The following RERE variants were observed in gnomAD, a reference collection of about 807,000 sequenced individuals.
RERE encodes arginine-glutamic acid dipeptide repeats protein.
Under a neutral mutation model 146.1 loss-of-function variants are expected in RERE, and 40 were observed. The ratio of observed to expected loss-of-function variants is 0.27; its 90% CI spans 0.21 to 0.36. The LOEUF (loss-of-function observed/expected upper bound fraction) is 0.36. RERE is among the 10% of genes least tolerant of loss of function. RERE has a pLI of 1.00. For synonymous variants in RERE, 1,003 were observed against 866.0 expected, an observed-to-expected ratio of 1.16 and a Z score of -2.78; for missense variants, 1,933 against 2,138.7, an observed-to-expected ratio of 0.90 and a Z score of 1.90.
intron 2 of RERE, among the ~76,000 whole-genome samples, chr1:8,648,800 C>T (rs1177301229): frequency 2.0e-5 from 3 of 151,832 alleles, no homozygotes. Context: ...ACATGTTTTG[C>T]ACTATGTTCA....
intron 12 of RERE, among the ~76,000 whole-genome samples, chr1:8,411,317 C>CTTTTT (rs35754702): frequency 1.4e-5 from 2 of 139,954 alleles, no homozygotes; most frequent in African/African-American, 5.3e-5. Flanking sequence ...GGCTTCAAGT[C>CTTTTT]TTTTTTTTTT....
At chr1:8,448,440 G>C (rs993213518) in intron 11 of RERE, among the ~76,000 whole-genome samples, 4 of 152,004 alleles carry the variant, frequency 2.6e-5, no homozygotes, top group African/African-American at 9.7e-5. Flanking sequence ...GAAAAAAGTA[G>C]AAGTGAGGGA....
At chr1:8,769,800 A>G (rs1456265795) in intron 1 of RERE, among the ~76,000 whole-genome samples, 4 of 150,428 alleles carry the variant, frequency 2.7e-5, no homozygotes, top group Non-Finnish European at 4.4e-5. Flanking sequence ...TTTATTTTTT[A>G]TTTTTTGAGA....
At chr1:8,378,655 C>T (rs1025087691) in intron 12 of RERE, among the ~76,000 whole-genome samples, 1 of 152,210 alleles carries the variant, frequency 6.6e-6, no homozygotes, top group South Asian at 2.1e-4. Context: ...AGAACCAACC[C>T]TACTGAACTC....
At chr1:8,385,026 C>T (rs116257822) in intron 12 of RERE, among the ~76,000 whole-genome samples, 1 of 152,324 alleles carries the variant, frequency 6.6e-6, no homozygotes, top group African/African-American at 2.4e-5. Flanking sequence ...CTCTGCAGGG[C>T]GATTTCTGCC....
At chr1:8,618,561 G>A (rs532190417) in intron 3 of RERE, among the ~76,000 whole-genome samples, 2 of 152,194 alleles carry the variant, frequency 1.3e-5, no homozygotes, top group Admixed American at 1.3e-4. Context: ...CCTTTTAAAC[G>A]AATGCCCATT....
intron 12 of RERE, among the ~76,000 whole-genome samples, chr1:8,402,961 C>T (rs1018644923): frequency 4.6e-5 from 7 of 152,012 alleles, no homozygotes; most frequent in African/African-American, 1.2e-4. Flanking sequence ...TGCAGTGGCG[C>T]GATCTCAGCT....
chr1:8,564,822 G>GTA (rs1205137532), intron 4 of RERE, among the ~76,000 whole-genome samples: 4,165 of 93,546 alleles, frequency 0.045, 113 homozygotes, highest in Non-Finnish European at 0.06. Flanking sequence ...GTATGTGTGT[G>GTA]TATATGTGTA....
rs1253083413 is a variant in RERE, at chr1:8,422,787, G to C, written c.1224C>G (p.Leu408=). 1 of 1,613,668 alleles carries C rather than the reference G, an allele frequency of 6.2e-7. No individual in the cohort carries two copies. Among genetic ancestry groups the C allele is most frequent in the Non-Finnish European group, 8.5e-7 (1 of 1,179,728 alleles). The part of the protein sequence containing the change: ...EDEVKRFVKG[L]RQYGKNFFRI... ...TGAAGAAGTTCTTCCCGTACTGCCT[G>C]AGTCCCTTAACGAAGCGTTTCTGTG... Residue 408 remains leucine (L), a synonymous_variant, in exon 12 of 23, where the codon CTC becomes CTG. Coordinates refer to ENST00000400908, the MANE Select transcript of RERE (RefSeq NM_001042681.2).
intron 12 of RERE, among the ~76,000 whole-genome samples, chr1:8,414,710 A>C (rs565624846): frequency 6.6e-6 from 1 of 152,314 alleles, no homozygotes; most frequent in East Asian, 1.9e-4. Flanking sequence ...TGGGCCATTA[A>C]TACTGAAACT....
intron 3 of RERE, among the ~76,000 whole-genome samples, chr1:8,622,497 A>AC (rs1371266865): frequency 4.9e-4 from 65 of 133,070 alleles, no homozygotes; most frequent in South Asian, 3.1e-3. Flanking sequence ...AAAAAAAAAA[A>AC]AAAAAAAAAA....
At chr1:8,400,017 T>C (rs972413706) in intron 12 of RERE, among the ~76,000 whole-genome samples, 5 of 152,056 alleles carry the variant, frequency 3.3e-5, no homozygotes, top group African/African-American at 1.2e-4. Context: ...GTCATCCCAC[T>C]GCACCCGGCT....
chr1:8,480,779 A>G (rs1644824570), intron 10 of RERE, among the ~76,000 whole-genome samples: 1 of 152,132 alleles, frequency 6.6e-6, no homozygotes, highest in East Asian at 1.9e-4. Flanking sequence ...TTTTTTTATC[A>G]ATTTGCTGAA....
chr1:8,444,220 A>T (rs1017998947), intron 11 of RERE, among the ~76,000 whole-genome samples: 11 of 152,236 alleles, frequency 7.2e-5, no homozygotes, highest in African/African-American at 2.7e-4. Flanking sequence ...AGGCTGTGGC[A>T]AATGGAGTCA....
chr1:8,455,621 G>A (rs1644445239), intron 11 of RERE, among the ~76,000 whole-genome samples: 1 of 152,132 alleles, frequency 6.6e-6, no homozygotes, highest in Non-Finnish European at 1.5e-5. Context: ...CCTAGACGGT[G>A]GCAGCTCAAG....
intron 1 of RERE, among the ~76,000 whole-genome samples, chr1:8,764,040 C>CT (rs1252938566): frequency 6.6e-6 from 1 of 152,078 alleles, no homozygotes; most frequent in Non-Finnish European, 1.5e-5. Flanking sequence ...TCAAGAAGAC[C>CT]TCTGCCACCA....
At chr1:8,780,905 A>C (rs1641151981) in intron 1 of RERE, among the ~76,000 whole-genome samples, 1 of 152,116 alleles carries the variant, frequency 6.6e-6, no homozygotes, top group Non-Finnish European at 1.5e-5. Flanking sequence ...CCACACTCAC[A>C]AACTTTATTA....
intron 16 of RERE, 34 bp from the exon 17 acceptor site, chr1:8,361,910 C>A: frequency 1.4e-6 from 2 of 1,423,328 alleles, no homozygotes; most frequent in Non-Finnish European, 2.0e-6. Flanking sequence ...AGCAATCAGG[C>A]CAAGGGAGAC....
At chr1:8,494,919 C>A (rs918561114) in intron 10 of RERE, 144 bp downstream of exon 10, 1 of 640,194 alleles carries the variant, frequency 1.6e-6, no homozygotes, top group Admixed American at 2.2e-5. Flanking sequence ...GGCCTGGAGC[C>A]CCCATGGCAC....
Sources: allele counts gnomAD v4.1 joint callset (sites outside exome capture counted in the v4.1 genomes callset), GRCh38; gene constraint gnomAD v4.1.1; transcripts MANE v1.5; gene names NCBI Gene and HGNC (gene_info 2026-07-23, HGNC 2026-07-21).